Variants in BAZ2B observed in about 807,000 individuals in gnomAD.
BAZ2B encodes the protein bromodomain adjacent to zinc finger domain protein 2B.
A neutral mutation model predicts 246.0 loss-of-function variants in BAZ2B; 91 were observed. That is an observed-to-expected ratio of 0.37 (90% CI 0.31 to 0.44). The LOEUF (loss-of-function observed/expected upper bound fraction) is 0.44, where lower values mean the gene tolerates loss of function less well. BAZ2B is among the 20% of genes least tolerant of loss of function. The pLI, the probability that BAZ2B is intolerant of heterozygous loss-of-function variation, is 1.00. For missense variants in BAZ2B, 2,332 were observed against 2,533.7 expected (o/e 0.92, Z 1.71); for synonymous variants, 855 against 860.0 (o/e 0.99, Z 0.10).
At chr2:159,351,175 T>G (rs1192693622) in intron 27 of BAZ2B, among the ~76,000 whole-genome samples, 1 of 152,204 alleles carries the variant, frequency 6.6e-6, no homozygotes, top group African/African-American at 2.4e-5. Context: ...GAGTTCTGTA[T>G]GTGATACATA....
rs1156978730 is a variant in BAZ2B, at chr2:159,519,670, C to CTT, written c.-3+36151_-3+36152dup. Among the ~76,000 whole-genome samples, 784 of 98,250 alleles carry CTT rather than the reference C, an allele frequency of 8.0e-3. 15 individuals are homozygous for CTT. The highest frequency in any genetic ancestry group is 0.014 in the Middle Eastern group (2 of 138). The allele number at this position is 98,250 out of a possible 152,430, so 64.5% of individuals were successfully genotyped here. A position where few individuals can be genotyped will look rare whatever the true frequency, so the allele number is the denominator to read the frequency against. ...CAGACAATTATAAGGGACCTTTCTT[C>CTT]TTTTTTTTTTTTTTTTTTTTGAGAC... On this transcript the variant is annotated intron_variant, in intron 2 of 36. Transcript: ENST00000392783.
intron 3 of BAZ2B, among the ~76,000 whole-genome samples, chr2:159,455,761 TG>T (rs1215155608): frequency 0.033 from 3,737 of 114,172 alleles, 541 homozygotes; most frequent in South Asian, 0.043. Context: ...AGAAATATTG[TG>T]GTTTTTTTTT....
chr2:159,463,179 T>C, intron 3 of BAZ2B: 1 of 578,878 alleles, frequency 1.7e-6, no homozygotes, highest in South Asian at 1.6e-5. Flanking sequence ...TAAATTCTCC[T>C]GCGGGTGCAT....
the BAZ2B span, among the ~76,000 whole-genome samples, chr2:159,691,487 T>A: frequency 6.6e-6 from 1 of 152,188 alleles, no homozygotes; most frequent in Non-Finnish European, 1.5e-5. Context: ...AAAATACATT[T>A]ACAGTACTGT....
chr2:159,689,086 T>G, the BAZ2B span: 10 of 251,302 alleles, frequency 4.0e-5, no homozygotes, highest in African/African-American at 2.4e-4. Context: ...TAAAATCCAT[T>G]AATGATTTTT....
chr2:159,453,910 T>A (rs909421034), intron 3 of BAZ2B, 109 bp from the exon 4 acceptor site: 2 of 989,258 alleles, frequency 2.0e-6, no homozygotes, highest in Non-Finnish European at 1.3e-6. Flanking sequence ...ATTACATTTT[T>A]ATTTTACCCT....
the BAZ2B span, among the ~76,000 whole-genome samples, chr2:159,666,257 C>CTTTTTTTTTTTTTTTTTTTTTT: frequency 1.1e-5 from 1 of 94,218 alleles, no homozygotes; most frequent in African/African-American, 4.2e-5. Flanking sequence ...TTTTATGATT[C>CTTTTTTTTTTTTTTTTTTTTTT]TTTTTTTTTT....
At chr2:159,389,523 C>G (rs1364983885) in intron 20 of BAZ2B, 38 bp from the exon 21 acceptor site, 1 of 1,501,996 alleles carries the variant, frequency 6.7e-7, no homozygotes, top group South Asian at 1.3e-5. Context: ...TCTTCTTAAT[C>G]ATTATATATG....
chr2:159,599,935 C>CAAAAAAAAAAAAAAAAAAA (rs11303439), intron 1 of BAZ2B, among the ~76,000 whole-genome samples: 1 of 101,610 alleles, frequency 9.8e-6, no homozygotes, highest in Non-Finnish European at 1.9e-5. Context: ...GACTCCTTCT[C>CAAAAAAAAAAAAAAAAAAA]AAAAAAAAAA....
At chr2:159,689,141 T>A in the BAZ2B span, 1 of 372,674 alleles carries the variant, frequency 2.7e-6, no homozygotes, top group East Asian at 1.0e-4. Flanking sequence ...CATCAACTTG[T>A]CTAGCTCCAT....
chr2:159,328,662 A>G (rs2064147499), intron 34 of BAZ2B, among the ~76,000 whole-genome samples: 1 of 152,168 alleles, frequency 6.6e-6, no homozygotes, highest in Non-Finnish European at 1.5e-5. Context: ...GAGGGGTCCA[A>G]TGAACTCTTT....
At position 159,325,067 on chromosome 2, in the gene BAZ2B, TA is replaced by T. The variant is rs2063363690; in HGVS notation, c.6210-114del. The T allele has an allele frequency of 1.3e-3, 2 of 1,532 alleles. 1 individual carries two copies. The highest frequency in any genetic ancestry group is 4.2e-3 in the African/African-American group (2 of 478). 0.1% of individuals were successfully genotyped at this position (1,532 alleles called of 1,614,324 possible). Reference sequence around the variant, plus strand: ...ATTATATATATATATATATTATATATATATATATATTATATATATATATATT... The same window carrying T: ...ATTATATATATATATATATTATATATTATATATATTATATATATATATATT... On this transcript the variant is annotated intron_variant, in intron 35 of 36. Coordinates refer to ENST00000392783, the MANE Select transcript of BAZ2B (RefSeq NM_013450.4).
chr2:159,475,511 C>T (rs907261349), intron 3 of BAZ2B, among the ~76,000 whole-genome samples: 7 of 152,080 alleles, frequency 4.6e-5, no homozygotes, highest in African/African-American at 1.4e-4. Flanking sequence ...TCCTTTAGCT[C>T]GGAGGAGTTT....
At chr2:159,470,390 T>A (rs1015450721) in intron 3 of BAZ2B, among the ~76,000 whole-genome samples, 1 of 152,168 alleles carries the variant, frequency 6.6e-6, no homozygotes, top group African/African-American at 2.4e-5. Context: ...AGCCTGGAGG[T>A]TACATGAATA....
intron 27 of BAZ2B, among the ~76,000 whole-genome samples, chr2:159,362,776 G>C (rs1224102015): frequency 1.3e-5 from 2 of 152,138 alleles, no homozygotes; most frequent in Non-Finnish European, 2.9e-5. Flanking sequence ...GGTTTCCAGT[G>C]GCTTGAAATT....
intron 25 of BAZ2B, among the ~76,000 whole-genome samples, chr2:159,381,295 A>C (rs939308910): frequency 6.6e-6 from 1 of 152,088 alleles, no homozygotes; most frequent in Non-Finnish European, 1.5e-5. Context: ...GGGTACCTCA[A>C]ACTCAGCAAG....
chr2:159,595,366 T>G (rs1690446998), intron 1 of BAZ2B, among the ~76,000 whole-genome samples: 1 of 152,182 alleles, frequency 6.6e-6, no homozygotes, highest in Non-Finnish European at 1.5e-5. Flanking sequence ...CCTCCCAAAG[T>G]GCTGGGATTA....
At chr2:159,344,923 T>C (rs539681026) in intron 31 of BAZ2B, among the ~76,000 whole-genome samples, 1 of 152,050 alleles carries the variant, frequency 6.6e-6, no homozygotes, top group South Asian at 2.1e-4. Context: ...GAATACAAAA[T>C]TACTGGCTGG....
the BAZ2B span, among the ~76,000 whole-genome samples, chr2:159,710,199 C>A: frequency 1.4e-5 from 2 of 147,966 alleles, no homozygotes; most frequent in Non-Finnish European, 3.0e-5. Flanking sequence ...ATCCATAATT[C>A]CTAGCAAAAT....
Sources: gnomAD v4.1 joint callset for allele counts (sites outside exome capture counted in the v4.1 genomes callset) on GRCh38, gnomAD v4.1.1 for gene constraint, MANE v1.5 for transcripts, NCBI Gene and HGNC (gene_info 2026-07-23, HGNC 2026-07-21) for gene names.